ARL15: variants seen among roughly 807,000 people sequenced by gnomAD.
The protein encoded by ARL15 is ARF like GTPase 15.
In ARL15, 19 loss-of-function variants were observed where a neutral mutation model predicts 25.2. That is an observed-to-expected ratio of 0.75 (90% CI 0.53 to 1.10). The LOEUF is 1.10. Among genes scored for constraint, ARL15 ranks in the 50% least tolerant of loss-of-function variants. The pLI is 0.00. For missense variants in ARL15, 220 were observed against 246.0 expected (o/e 0.89, Z 0.71); for synonymous variants, 94 against 86.8 (o/e 1.08, Z -0.46).
intron 1 of ARL15, among the ~76,000 whole-genome samples, chr5:54,220,896 C>G (rs1365054422): frequency 6.6e-6 from 1 of 152,074 alleles, no homozygotes; most frequent in African/African-American, 2.4e-5. Flanking sequence ...ATAGATAAGT[C>G]CTAAGAGTGA....
chr5:54,120,163 C>A (rs1753028222), intron 3 of ARL15, among the ~76,000 whole-genome samples: 1 of 152,174 alleles, frequency 6.6e-6, no homozygotes, highest in Non-Finnish European at 1.5e-5. Context: ...GCAAATCATT[C>A]TTTGCTATAC....
chr5:54,239,673 T>C (rs554310695), intron 1 of ARL15, among the ~76,000 whole-genome samples: 28 of 152,162 alleles, frequency 1.8e-4, no homozygotes, highest in Non-Finnish European at 3.8e-4. Flanking sequence ...CCTTAAAAAA[T>C]GGGGGCATAT....
At chr5:54,192,311 G>A (rs1463592364) in intron 1 of ARL15, among the ~76,000 whole-genome samples, 2 of 149,880 alleles carry the variant, frequency 1.3e-5, no homozygotes, top group Non-Finnish European at 3.0e-5. Flanking sequence ...ACCACAACAT[G>A]TTCTAACTAC....
intron 4 of ARL15, among the ~76,000 whole-genome samples, chr5:53,942,190 A>T (rs1004881845): frequency 1.3e-5 from 2 of 152,060 alleles, no homozygotes; most frequent in African/African-American, 4.8e-5. Context: ...GGGGCCAGGG[A>T]ACTAGGTAAA....
At chr5:54,189,020 C>T (rs1430113901) in intron 1 of ARL15, among the ~76,000 whole-genome samples, 1 of 152,016 alleles carries the variant, frequency 6.6e-6, no homozygotes, top group African/African-American at 2.4e-5. Flanking sequence ...TGTCTGTACA[C>T]TAATAATTAA....
At chr5:54,067,543 CTATT>C (rs1751278956) in intron 4 of ARL15, among the ~76,000 whole-genome samples, 1 of 152,148 alleles carries the variant, frequency 6.6e-6, no homozygotes, top group African/African-American at 2.4e-5. Flanking sequence ...CAGGAAGAAC[CTATT>C]TAAATAGGTT....
intron 1 of ARL15, among the ~76,000 whole-genome samples, chr5:54,231,079 C>CTGTA (rs1756657777): frequency 6.6e-6 from 1 of 152,086 alleles, no homozygotes; most frequent in African/African-American, 2.4e-5. Flanking sequence ...GTCTCCAGCA[C>CTGTA]TGTATAAGCC....
At chr5:53,986,316 T>G (rs1748295042) in intron 4 of ARL15, among the ~76,000 whole-genome samples, 1 of 152,126 alleles carries the variant, frequency 6.6e-6, no homozygotes. Flanking sequence ...CCAGCAAAAA[T>G]AAACCAAAAA....
At chr5:54,055,020 T>G (rs1319974676) in intron 4 of ARL15, among the ~76,000 whole-genome samples, 1 of 152,194 alleles carries the variant, frequency 6.6e-6, no homozygotes, top group Non-Finnish European at 1.5e-5. Flanking sequence ...ACACAATTTA[T>G]GCACTTAAAG....
chr5:54,128,244 T>G (rs1753320904), intron 3 of ARL15, among the ~76,000 whole-genome samples: 1 of 152,208 alleles, frequency 6.6e-6, no homozygotes, highest in Non-Finnish European at 1.5e-5. Context: ...CTCTATCCAT[T>G]GTGATCCTGC....
chr5:54,062,508 G>A (rs1751099606), intron 4 of ARL15, among the ~76,000 whole-genome samples: 2 of 146,872 alleles, frequency 1.4e-5, no homozygotes, highest in Non-Finnish European at 1.5e-5. Flanking sequence ...ACGAGATTTG[G>A]TGGTTAAGGA....
intron 4 of ARL15, among the ~76,000 whole-genome samples, chr5:54,070,006 G>T (rs1320354683): frequency 6.6e-6 from 1 of 151,600 alleles, no homozygotes; most frequent in Non-Finnish European, 1.5e-5. Flanking sequence ...TGGTCATGAA[G>T]GGTTTTGCCC....
chr5:53,902,257 G>A (rs960538173), intron 4 of ARL15, among the ~76,000 whole-genome samples: 3 of 152,226 alleles, frequency 2.0e-5, no homozygotes, highest in African/African-American at 7.2e-5. Flanking sequence ...ACAACCAGGG[G>A]AACGTGATTT....
intron 1 of ARL15, among the ~76,000 whole-genome samples, chr5:54,292,533 C>T (rs149780563): frequency 6.6e-6 from 1 of 152,122 alleles, no homozygotes; most frequent in Non-Finnish European, 1.5e-5. Flanking sequence ...CCCTCGTAAG[C>T]CCACTCCTTT....
intron 4 of ARL15, among the ~76,000 whole-genome samples, chr5:53,890,562 G>A (rs2111894553): frequency 6.6e-6 from 1 of 152,316 alleles, no homozygotes; most frequent in East Asian, 1.9e-4. Flanking sequence ...AATGACATCA[G>A]AATACAGCTG....
chr5:53,904,457 G>C lies in ARL15; in HGVS notation c.463-17744C>G, dbSNP rs184260936. Among the ~76,000 whole-genome samples the C allele has an allele frequency of 1.5e-3, 236 of 152,298 alleles. 1 individual carries two copies. Among genetic ancestry groups the C allele is most frequent in the Non-Finnish European group, 2.0e-3 (133 of 68,030 alleles). On this transcript the variant is annotated intron_variant, in intron 4 of 4. Coordinates refer to ENST00000504924, the MANE Select transcript of ARL15 (RefSeq NM_019087.3). ...TGAGTTCAAAGAACTTAATAAAGGT[G>C]AGTCACTAAAACCAAACTGCTGTTG...
At chr5:53,966,925 T>C (rs1191691529) in intron 4 of ARL15, among the ~76,000 whole-genome samples, 1 of 152,200 alleles carries the variant, frequency 6.6e-6, no homozygotes, top group African/African-American at 2.4e-5. Context: ...TAATGAAATG[T>C]TGGAAAGATC....
rs143456420 is a variant in ARL15 at position 53,933,837 on chromosome 5, A to C, written c.463-47124T>G. Among the ~76,000 whole-genome samples the C allele has an allele frequency of 9.3e-4, 142 of 152,228 alleles. 1 individual carries two copies. Among genetic ancestry groups the C allele is most frequent in the African/African-American group, 3.3e-3 (138 of 41,562 alleles). ...TACATATTTTCACAATGACACCTGC[A>C]GGTTATTTGCAAAATCTGGCTTAAA... On this transcript the variant is annotated intron_variant, in intron 4 of 4. Transcript: ENST00000504924.
chr5:54,228,259 T>C (rs539323751), intron 1 of ARL15, among the ~76,000 whole-genome samples: 1 of 152,182 alleles, frequency 6.6e-6, no homozygotes, highest in African/African-American at 2.4e-5. Context: ...ATATATTCTA[T>C]GACAAGCCAC....
Sources: gnomAD v4.1 joint callset for allele counts (sites outside exome capture counted in the v4.1 genomes callset) on GRCh38, gnomAD v4.1.1 for gene constraint, MANE v1.5 for transcripts, NCBI Gene and HGNC (gene_info 2026-07-23, HGNC 2026-07-21) for gene names.